CD101: variants seen among roughly 807,000 people sequenced by gnomAD.
CD101 encodes the protein CD101 molecule.
In CD101, 76 loss-of-function variants were observed where a neutral mutation model predicts 98.2. The observed-to-expected ratio is 0.77, with a 90% CI of 0.64 to 0.94. The LOEUF (loss-of-function observed/expected upper bound fraction) is 0.94. CD101 is among the 40% of genes least tolerant of loss of function. The probability of loss-of-function intolerance (pLI) is 0.00; values close to 1 mark genes in which losing one functional copy is unlikely to be tolerated. For synonymous variants in CD101, 471 were observed against 472.7 expected (o/e 1.00, Z 0.05); for missense variants, 1,145 against 1,218.8 (o/e 0.94, Z 0.90).
chr1:117,014,928 T>A (rs2101125665), intron 4 of CD101, among the ~76,000 whole-genome samples: 1 of 152,330 alleles, frequency 6.6e-6, no homozygotes, highest in Non-Finnish European at 1.5e-5. Context: ...TATAGGTGAG[T>A]TCACATATTT....
In CD101 at chr1:117,019,742, T is replaced by C. The variant is rs919510119; in HGVS notation, c.2017+1182T>C. Among the ~76,000 whole-genome samples the C allele has an allele frequency of 6.6e-6, 1 of 152,174 alleles. No individual in the cohort carries two copies. The highest frequency in any genetic ancestry group is 2.4e-5 in the African/African-American group (1 of 41,436). ...CGTATATCCAGCTGTCTCCAAGACA[T>C]GCCTGCACTCATTATGTCAAAACAT... is the stretch of plus-strand genomic sequence containing the variant. On this transcript the variant is annotated intron_variant, in intron 6 of 9. Transcript: ENST00000682167. This position sits in a 1 kb window ranked among gnomAD's most constrained non-coding sequence, Gnocchi z 4.3.
chr1:117,005,711 C>T lies in CD101; in HGVS notation c.43+3851C>T, dbSNP rs943031377. The stretch of plus-strand genomic sequence containing the variant: ...TGTATGTAACTGACCTAATCTACAT[C>T]TAACAGTTCAGAACTCTCCCTAGTT... On this transcript the variant is annotated intron_variant, in intron 1 of 9. Coordinates refer to ENST00000682167, the MANE Select transcript of CD101 (RefSeq NM_001256106.3). This position sits in a 1 kb window ranked among gnomAD's most constrained non-coding sequence, Gnocchi z 4.4. Among the ~76,000 whole-genome samples, 1 of 152,152 alleles carries T rather than the reference C, an allele frequency of 6.6e-6. No homozygotes were observed. Among genetic ancestry groups the T allele is most frequent in the Non-Finnish European group, 1.5e-5 (1 of 68,026 alleles).
Position 117,013,468 on chromosome 1 carries a change from C to G in CD101, c.904C>G (p.Leu302Val), listed in dbSNP as rs1436503318. 6.2e-7 allele frequency: 1 copy of G among 1,613,982 alleles called. No individual in the cohort carries two copies. The highest frequency in any genetic ancestry group is 8.5e-7 in the Non-Finnish European group (1 of 1,180,012). The change falls in exon 4 of 10, where the codon CTG (leucine) becomes GTG (valine). Residue 302 changes from leucine to valine, a missense_variant. By Grantham distance (32) the Leu-to-Val change is conservative. Coordinates refer to ENST00000682167, the MANE Select transcript of CD101 (RefSeq NM_001256106.3). ...GTTTGCTGAAGGGAAACCCTTAGAA[C>G]TGGTTTGCCTGGTTGTAAGCAGTGG... ...SLFAEGKPLE[L>V]VCLVVSSGRD...
chr1:117,029,194 A>G (rs2806877), intron 8 of CD101, among the ~76,000 whole-genome samples: 16,888 of 43,254 alleles, frequency 0.39, 3,540 homozygotes, highest in Admixed American at 0.46. Flanking sequence ...AAAGAAAGAA[A>G]GAAAGAAAGA....
rs1380119601 is a variant in CD101 at position 117,021,641 on chromosome 1, G to A, written c.2086G>A (p.Glu696Lys). Residue 696 changes from glutamate to lysine, a missense_variant, in exon 7 of 10, where the codon GAA becomes AAA. Glu to Lys is a moderately conservative substitution (Grantham distance 56). Coordinates refer to ENST00000682167, the MANE Select transcript of CD101 (RefSeq NM_001256106.3). This position sits in a 1 kb window ranked among gnomAD's most constrained non-coding sequence, Gnocchi z 4.7. The stretch of plus-strand genomic sequence containing the variant: ...CTCCATCAACTCCAACACTGATATA[G>A]AATGTAGCATCTTGTCCCGGTCCAA... ...ELSINSNTDI[E>K]CSILSRSNGN... 5 of 1,613,718 alleles carry A rather than the reference G, an allele frequency of 3.1e-6. No homozygotes were observed. The Admixed American group carries it at 5.0e-5, about 16-fold the overall frequency.
At position 117,006,157 on chromosome 1, in the gene CD101, A is replaced by G. The variant is rs1350990705; in HGVS notation, c.44-3693A>G. Among the ~76,000 whole-genome samples, 1 of 152,006 alleles carries G rather than the reference A, an allele frequency of 6.6e-6. No individual in the cohort carries two copies. The highest frequency in any genetic ancestry group is 1.9e-4 in the East Asian group (1 of 5,170). ...TCTCCCAGGCAGCCTTATCAAACCT[A>G]TGATCTTTGATTTCTTCCTACCTCT... On this transcript the variant is annotated intron_variant, in intron 1 of 9. Coordinates refer to ENST00000682167, the MANE Select transcript of CD101 (RefSeq NM_001256106.3). This position sits in a 1 kb window ranked among gnomAD's most constrained non-coding sequence, Gnocchi z 4.4.
chr1:117,018,448 A>G lies in CD101; in HGVS notation c.1905A>G (p.Thr635=), dbSNP rs1478060251. The change falls in exon 6 of 10, where the codon ACA becomes ACG. Residue 635 remains threonine, a synonymous_variant. Coordinates refer to ENST00000682167, the MANE Select transcript of CD101 (RefSeq NM_001256106.3). This position sits in a 1 kb window ranked among gnomAD's most constrained non-coding sequence, Gnocchi z 4.3. ...TCCATGATGCCACTGAGGAAGAGAC[A>G]GGAGTGTATCAGTGTGAAGTAGAAG... ...LLVHDATEEE[T]GVYQCEVEVY... The G allele has an allele frequency of 6.2e-7, 1 of 1,614,128 alleles. No homozygotes were observed. Among genetic ancestry groups the G allele is most frequent in the Non-Finnish European group, 8.5e-7 (1 of 1,180,048 alleles).
rs946351269 is a variant in CD101 at position 117,022,130 on chromosome 1, C to T, written c.2428+147C>T. ...ATCTACCTACACATGACTGCAAGACCGAGTAGTCCACCAAAGGAGGGGAGG... is the reference window on the plus strand; with the variant it reads ...ATCTACCTACACATGACTGCAAGACTGAGTAGTCCACCAAAGGAGGGGAGG... On this transcript the variant is annotated intron_variant, in intron 7 of 9. Transcript: ENST00000682167. The surrounding 1 kb of genome is among the most constrained non-coding windows in gnomAD (Gnocchi z 4.8). 21 of 895,478 alleles carry T rather than the reference C, an allele frequency of 2.3e-5. No homozygotes were observed. The highest frequency in any genetic ancestry group is 3.2e-5 in the Non-Finnish European group (19 of 598,850). The allele number at this position is 895,478 out of a possible 1,614,324, so 55.5% of individuals were successfully genotyped here. A position where few individuals can be genotyped will look rare whatever the true frequency, so the allele number is the denominator to read the frequency against.
Position 117,033,593 on chromosome 1 carries a change from G to A in CD101, c.2825-267G>A, listed in dbSNP as rs897722730. On this transcript the variant is annotated intron_variant, in intron 8 of 9. Coordinates refer to ENST00000682167, the MANE Select transcript of CD101 (RefSeq NM_001256106.3). This position sits in a 1 kb window ranked among gnomAD's most constrained non-coding sequence, Gnocchi z 4.8. ...TCTTTTTTGTTTTGTTTTTCATTTTGGCTGTTAGTTTTAAGTAGGTCATTG... is the reference window on the plus strand; with the variant it reads ...TCTTTTTTGTTTTGTTTTTCATTTTAGCTGTTAGTTTTAAGTAGGTCATTG... Among the ~76,000 whole-genome samples the A allele has an allele frequency of 1.3e-5, 2 of 152,038 alleles. No individual in the cohort carries two copies. The highest frequency in any genetic ancestry group is 2.9e-5 in the Non-Finnish European group (2 of 67,992).
chr1:117,035,831 C>G (rs151232840), intron 9 of CD101, among the ~76,000 whole-genome samples: 2 of 152,096 alleles, frequency 1.3e-5, no homozygotes, highest in African/African-American at 4.8e-5. Context: ...GGATTACAGG[C>G]GTGAGCCACC....
rs1261668190 is a variant in CD101, at chr1:117,023,786, G to T, written c.2429-1723G>T. Reference sequence around the variant, plus strand: ...GGGCTTGGTGTGGCTGTGGACTTCCGGTTGTGCACGTCATTTAGGGAACAA... The same window carrying T: ...GGGCTTGGTGTGGCTGTGGACTTCCTGTTGTGCACGTCATTTAGGGAACAA... On this transcript the variant is annotated intron_variant, in intron 7 of 9. Coordinates refer to ENST00000682167, the MANE Select transcript of CD101 (RefSeq NM_001256106.3). This position sits in a 1 kb window ranked among gnomAD's most constrained non-coding sequence, Gnocchi z 4.4. Among the ~76,000 whole-genome samples, 1 of 152,030 alleles carries T rather than the reference G, an allele frequency of 6.6e-6. No homozygotes were observed. The highest frequency in any genetic ancestry group is 2.1e-4 in the South Asian group (1 of 4,826).
intron 4 of CD101, 92 bp from the exon 5 acceptor site, chr1:117,016,998 G>C: frequency 7.0e-7 from 1 of 1,418,522 alleles, no homozygotes; most frequent in Non-Finnish European, 9.5e-7. Flanking sequence ...TCACAAACTA[G>C]TCAAGTCCTA....
chr1:117,029,213 A>AAAG (rs1553188332), intron 8 of CD101, among the ~76,000 whole-genome samples: 4 of 71,756 alleles, frequency 5.6e-5, no homozygotes, highest in Admixed American at 1.4e-4. Flanking sequence ...GAAAAGAAAG[A>AAAG]AAAGAAAGAA....
chr1:117,024,141 A>G (rs1387171466), intron 7 of CD101, among the ~76,000 whole-genome samples: 1 of 152,238 alleles, frequency 6.6e-6, no homozygotes, highest in Non-Finnish European at 1.5e-5. Flanking sequence ...ACTAAGAAAG[A>G]GTCCAAGATC....
rs116477112 is a variant in CD101, at chr1:117,019,347, C to T, written c.2017+787C>T. 2.2e-3 allele frequency among the ~76,000 whole-genome samples: 340 copies of T among 152,262 alleles called. 1 individual carries two copies. Among genetic ancestry groups the T allele is most frequent in the African/African-American group, 7.6e-3 (314 of 41,552 alleles). Reference sequence around the variant, plus strand: ...CCGAGTACCTGACACACCAAGATGACGCTCAAACGTGGTCACTGTCATTAT... The same window carrying T: ...CCGAGTACCTGACACACCAAGATGATGCTCAAACGTGGTCACTGTCATTAT... On this transcript the variant is annotated intron_variant, in intron 6 of 9. Transcript: ENST00000682167. This position sits in a 1 kb window ranked among gnomAD's most constrained non-coding sequence, Gnocchi z 4.3.
intron 4 of CD101, among the ~76,000 whole-genome samples, chr1:117,015,997 C>T (rs1653182275): frequency 6.6e-6 from 1 of 152,074 alleles, no homozygotes; most frequent in African/African-American, 2.4e-5. Flanking sequence ...TTGCAGAATT[C>T]ATGTTTGTTG....
rs991489719 is a variant in CD101 at position 117,011,830 on chromosome 1, C to T, written c.705C>T (p.Ser235=). The T allele has an allele frequency of 3.7e-6, 6 of 1,614,026 alleles. No homozygotes were observed. The highest frequency in any genetic ancestry group is 4.2e-6 in the Non-Finnish European group (5 of 1,180,032). The change falls in exon 3 of 10, where the codon TCC becomes TCT. Residue 235 remains serine (S), a synonymous_variant. Coordinates refer to ENST00000682167, the MANE Select transcript of CD101 (RefSeq NM_001256106.3). ...TGGGACCCACTACATTCAGGCTGTC[C>T]ATAGAGAGGCTCCAGTCCTCAGATC... ...NKLGPTTFRL[S]IERLQSSDQG...
chr1:117,011,756 C>G lies in CD101; in HGVS notation c.631C>G (p.Pro211Ala). Residue 211 changes from proline to alanine, a missense_variant, in exon 3 of 10, where the codon CCC (proline) becomes GCC (alanine). By Grantham distance (27) the Pro-to-Ala change is conservative (BLOSUM62 -1). Coordinates refer to ENST00000682167, the MANE Select transcript of CD101 (RefSeq NM_001256106.3). The stretch of plus-strand genomic sequence containing the variant: ...CAAAGATTTTATATTGGTCCCTGGG[C>G]CCTTGTATACAGAGCGGTTTGCAGC... ...LSKDFILVPGPLYTERFAASD... is the reference protein window; with the variant it reads ...LSKDFILVPGALYTERFAASD... The G allele has an allele frequency of 1.2e-6, 2 of 1,614,106 alleles. No individual in the cohort carries two copies. The highest frequency in any genetic ancestry group is 1.7e-6 in the Non-Finnish European group (2 of 1,179,990).
rs1652570495 is a variant in CD101, at chr1:117,006,948, T to C, written c.44-2902T>C. 6.6e-6 allele frequency among the ~76,000 whole-genome samples: 1 copy of C among 152,094 alleles called. No homozygotes were observed. The highest frequency in any genetic ancestry group is 1.5e-5 in the Non-Finnish European group (1 of 67,998). On this transcript the variant is annotated intron_variant, in intron 1 of 9. Coordinates refer to ENST00000682167, the MANE Select transcript of CD101 (RefSeq NM_001256106.3). The surrounding 1 kb of genome is among the most constrained non-coding windows in gnomAD (Gnocchi z 4.4). ...GAAAAAGAAGTGCGTGTTTTCACAA[T>C]AAAAATTTTCAAACGTGGTACCCAT...
Sources: gnomAD v4.1 joint callset for allele counts (sites outside exome capture counted in the v4.1 genomes callset) on GRCh38, gnomAD v4.1.1 for gene constraint, Gnocchi (gnomAD v3.1) non-coding constraint, MANE v1.5 for transcripts, NCBI Gene and HGNC (gene_info 2026-07-23, HGNC 2026-07-21) for gene names.